The following COL25A1 variants were observed in gnomAD, a reference collection of about 807,000 sequenced individuals.
COL25A1 encodes the protein collagen alpha-1(XXV) chain.
Under a neutral mutation model 128.4 loss-of-function variants are expected in COL25A1, and 103 were observed. The observed-to-expected ratio is 0.80, with a 90% confidence interval of 0.68 to 0.94. COL25A1 has a LOEUF of 0.94. Ranked by LOEUF, COL25A1 falls within the 40% of genes least tolerant of loss-of-function variation. COL25A1 has a pLI of 0.00. For synonymous variants in COL25A1, 279 were observed against 277.2 expected, an observed-to-expected ratio of 1.01 and a Z score of -0.06; for missense variants, 745 against 840.0, an observed-to-expected ratio of 0.89 and a Z score of 1.40.
chr4:109,180,020 C>T (rs2526456), intron 3 of COL25A1, among the ~76,000 whole-genome samples: 100,433 of 152,060 alleles, frequency 0.66, 33,453 homozygotes, highest in East Asian at 0.75. Flanking sequence ...CACTCTGCTT[C>T]TAGTATACAT....
At chr4:109,267,724 C>T (rs1190558005) in intron 3 of COL25A1, among the ~76,000 whole-genome samples, 1 of 152,066 alleles carries the variant, frequency 6.6e-6, no homozygotes, top group Non-Finnish European at 1.5e-5. Flanking sequence ...TGGAGCATTT[C>T]AGATTTTGGA....
intron 3 of COL25A1, among the ~76,000 whole-genome samples, chr4:109,293,851 G>A (rs928303668): frequency 1.3e-5 from 2 of 152,056 alleles, no homozygotes; most frequent in African/African-American, 2.4e-5. Flanking sequence ...GCATGACAGT[G>A]ATTCCAAATG....
chr4:109,073,946 A>G (rs955909245), intron 3 of COL25A1, among the ~76,000 whole-genome samples: 2 of 152,202 alleles, frequency 1.3e-5, no homozygotes, highest in East Asian at 1.9e-4. Context: ...CATTCAACCC[A>G]CAAAAAGATG....
At chr4:109,230,253 GAAT>G (rs1276957103) in intron 3 of COL25A1, among the ~76,000 whole-genome samples, 4 of 152,106 alleles carry the variant, frequency 2.6e-5, no homozygotes, top group African/African-American at 9.7e-5. Flanking sequence ...CAAAATCAAT[GAAT>G]AATAAGGATC....
chr4:109,266,138 A>C (rs912584243), intron 3 of COL25A1, among the ~76,000 whole-genome samples: 1 of 152,218 alleles, frequency 6.6e-6, no homozygotes, highest in African/African-American at 2.4e-5. Context: ...TACATGACAC[A>C]TGAAAAGTTT....
At position 109,213,112 on chromosome 4, in the gene COL25A1, A is replaced by T. The variant is rs190253514; in HGVS notation, c.367+87471T>A. The stretch of plus-strand genomic sequence containing the variant: ...ATGTGCTTAAAAACAGAAAAAGACT[A>T]AAAAAGCTAGAATGAATTTCTAGAA... On this transcript the variant is annotated intron_variant, in intron 3 of 37. Transcript: ENST00000399132. 2.9e-3 allele frequency among the ~76,000 whole-genome samples: 449 copies of T among 152,312 alleles called. 1 individual carries two copies. The highest frequency in any genetic ancestry group is 0.01 in the African/African-American group (429 of 41,570).
In COL25A1 at chr4:109,208,789, T is replaced by C. The variant is rs141187892; in HGVS notation, c.367+91794A>G. ...TTTAATACTAAGCTACAGAGAGCAG[T>C]AGCATGTGACACAACCATCTTACAT... On this transcript the variant is annotated intron_variant, in intron 3 of 37. Coordinates refer to ENST00000399132, the MANE Select transcript of COL25A1 (RefSeq NM_198721.4). 4.4e-3 allele frequency among the ~76,000 whole-genome samples: 666 copies of C among 152,238 alleles called. 4 individuals are homozygous for C. The highest frequency in any genetic ancestry group is 0.016 in the African/African-American group (649 of 41,540).
chr4:108,949,197 T>C (rs1414870398), intron 8 of COL25A1, among the ~76,000 whole-genome samples: 1 of 152,218 alleles, frequency 6.6e-6, no homozygotes, highest in Non-Finnish European at 1.5e-5. Flanking sequence ...CTGCTAGAAC[T>C]GGATCAGAGC....
chr4:109,283,976 C>T (rs993540026), intron 3 of COL25A1, among the ~76,000 whole-genome samples: 1 of 152,164 alleles, frequency 6.6e-6, no homozygotes, highest in Non-Finnish European at 1.5e-5. Flanking sequence ...TGACCAAAAA[C>T]GTTTGGAAAA....
At chr4:109,198,689 T>A (rs1222238986) in intron 3 of COL25A1, among the ~76,000 whole-genome samples, 3 of 152,230 alleles carry the variant, frequency 2.0e-5, no homozygotes, top group Non-Finnish European at 4.4e-5. Flanking sequence ...CTGTTTCAGC[T>A]GTGATGAGAA....
intron 35 of COL25A1, 90 bp from the exon 36 acceptor site, chr4:108,819,419 C>A: frequency 1.9e-6 from 2 of 1,047,822 alleles, no homozygotes; most frequent in South Asian, 1.5e-5. Flanking sequence ...ACAACAAAGG[C>A]TGGGAGAGGA....
At chr4:109,116,293 C>G (rs933957958) in intron 3 of COL25A1, among the ~76,000 whole-genome samples, 1 of 152,160 alleles carries the variant, frequency 6.6e-6, no homozygotes, top group African/African-American at 2.4e-5. Flanking sequence ...GAAATAACAA[C>G]AGCATTTTAT....
intron 8 of COL25A1, among the ~76,000 whole-genome samples, chr4:108,973,784 T>C (rs1160923933): frequency 6.6e-6 from 1 of 152,210 alleles, no homozygotes; most frequent in African/African-American, 2.4e-5. Flanking sequence ...TGTGTTATAA[T>C]GGTTAAAAGG....
chr4:109,155,443 A>C (rs1469722681), intron 3 of COL25A1, among the ~76,000 whole-genome samples: 1 of 152,222 alleles, frequency 6.6e-6, no homozygotes, highest in Non-Finnish European at 1.5e-5. Flanking sequence ...CTAAACTCAG[A>C]TGTATGAGGC....
At chr4:109,086,893 G>A (rs6851437) in intron 3 of COL25A1, among the ~76,000 whole-genome samples, 2 of 151,868 alleles carry the variant, frequency 1.3e-5, no homozygotes, top group Non-Finnish European at 2.9e-5. Context: ...TCAAAATACC[G>A]CAAATAAGTT....
intron 11 of COL25A1, among the ~76,000 whole-genome samples, chr4:108,924,793 G>A (rs1456595567): frequency 6.6e-6 from 1 of 152,104 alleles, no homozygotes; most frequent in Non-Finnish European, 1.5e-5. Context: ...TTTGACAGTA[G>A]TTGCAGTTTT....
At chr4:108,926,725 A>C (rs1283888540) in intron 11 of COL25A1, among the ~76,000 whole-genome samples, 1 of 151,942 alleles carries the variant, frequency 6.6e-6, no homozygotes, top group Non-Finnish European at 1.5e-5. Flanking sequence ...TTAAGAAGGA[A>C]TCATTTAAGA....
chr4:108,955,806 A>G lies in COL25A1; in HGVS notation c.493-14369T>C, dbSNP rs115523381. Among the ~76,000 whole-genome samples the G allele has an allele frequency of 7.7e-3, 1,173 of 152,294 alleles. 13 individuals are homozygous for G. Among genetic ancestry groups the G allele is most frequent in the African/African-American group, 0.026 (1,078 of 41,558 alleles). Reference sequence around the variant, plus strand: ...AAGAAAGCAGTAGCAACCAGTTCCTATTTAGCTTCTAATTCTCTGTCAAAC... The same window carrying G: ...AAGAAAGCAGTAGCAACCAGTTCCTGTTTAGCTTCTAATTCTCTGTCAAAC... On this transcript the variant is annotated intron_variant, in intron 8 of 37. Transcript: ENST00000399132.
intron 3 of COL25A1, among the ~76,000 whole-genome samples, chr4:109,282,168 T>C (rs977122457): frequency 8.5e-5 from 13 of 152,170 alleles, no homozygotes; most frequent in Admixed American, 6.5e-5. Context: ...TTTTTTAATA[T>C]GAACACTGAC....
Sources: gnomAD v4.1 joint callset for allele counts (sites outside exome capture counted in the v4.1 genomes callset) on GRCh38, gnomAD v4.1.1 for gene constraint, MANE v1.5 for transcripts, NCBI Gene and HGNC (gene_info 2026-07-23, HGNC 2026-07-21) for gene names.